The following KITLG variants were observed in gnomAD, a reference collection of about 807,000 sequenced individuals.
KITLG encodes the protein KIT ligand.
KITLG carries 13 observed loss-of-function variants against 34.1 expected under a neutral mutation model. The ratio of observed to expected loss-of-function variants is 0.38; its 90% CI spans 0.25 to 0.61. The LOEUF is 0.61. Ranked by LOEUF, KITLG falls within the 20% of genes least tolerant of loss-of-function variation. The pLI is 0.60. For synonymous variants in KITLG, 110 were observed against 104.0 expected (o/e 1.06, Z -0.35); for missense variants, 292 against 318.9 (o/e 0.92, Z 0.64).
intron 2 of KITLG, among the ~76,000 whole-genome samples, chr12:88,541,431 T>C (rs1308308219): frequency 6.6e-6 from 1 of 152,164 alleles, no homozygotes; most frequent in Non-Finnish European, 1.5e-5. Context: ...CAAAATCATA[T>C]TGAGTTAAAT....
intron 1 of KITLG, among the ~76,000 whole-genome samples, chr12:88,561,892 G>C (rs926751331): frequency 6.6e-6 from 1 of 152,182 alleles, no homozygotes; most frequent in Non-Finnish European, 1.5e-5. Context: ...TCAGGACTCA[G>C]TTCAAATATC....
rs751013211 is a variant in KITLG at position 88,516,411 on chromosome 12, A to G, written c.443T>C (p.Ile148Thr). The change falls in exon 5 of 10, where the codon ATT becomes ACT. Residue 148 changes from isoleucine to threonine, a missense_variant. By Grantham distance (89) the Ile-to-Thr change is moderately conservative (BLOSUM62 -1). Coordinates refer to ENST00000644744, the MANE Select transcript of KITLG (RefSeq NM_000899.5). The part of the protein sequence containing the change: ...EEFFRIFNRS[I>T]DAFKDFVVAS... ...CACTACAAAGTCCTTGAAGGCATCA[A>G]TGGATCTATTAAAAATTCTAAAGAA... is the stretch of plus-strand genomic sequence containing the variant. 6.2e-7 allele frequency: 1 copy of G among 1,610,084 alleles called. No individual in the cohort carries two copies. Among genetic ancestry groups the G allele is most frequent in the South Asian group, 1.1e-5 (1 of 90,902 alleles).
intron 6 of KITLG, among the ~76,000 whole-genome samples, chr12:88,509,458 T>A (rs1237167910): frequency 1.3e-5 from 2 of 152,194 alleles, no homozygotes; most frequent in Non-Finnish European, 2.9e-5. Flanking sequence ...GTGGGAGGCC[T>A]TACTAAAGAA....
chr12:88,560,541 C>T (rs930547873), intron 1 of KITLG, among the ~76,000 whole-genome samples: 6 of 152,156 alleles, frequency 3.9e-5, no homozygotes, highest in African/African-American at 1.4e-4. Flanking sequence ...TCCGCTCTTC[C>T]AAGCAGGCAG....
At chr12:88,574,824 A>G (rs1592591491) in intron 1 of KITLG, among the ~76,000 whole-genome samples, 1 of 152,182 alleles carries the variant, frequency 6.6e-6, no homozygotes, top group East Asian at 1.9e-4. Context: ...TTTTTCATAG[A>G]ACTTAAAAAT....
chr12:88,560,773 G>T (rs2120952969), intron 1 of KITLG, among the ~76,000 whole-genome samples: 1 of 152,052 alleles, frequency 6.6e-6, no homozygotes. Flanking sequence ...TTCGAGACCA[G>T]CCTGGCCAAC....
intron 2 of KITLG, among the ~76,000 whole-genome samples, chr12:88,543,462 T>C (rs952151704): frequency 2.6e-5 from 4 of 152,212 alleles, no homozygotes; most frequent in African/African-American, 7.2e-5. Context: ...TATGGCTGCA[T>C]AGTATTCCAT....
intron 1 of KITLG, among the ~76,000 whole-genome samples, chr12:88,577,489 A>T (rs1871865657): frequency 6.6e-6 from 1 of 152,198 alleles, no homozygotes. Flanking sequence ...GTGTTGCAAA[A>T]TATGGTGCCT....
chr12:88,564,995 C>T (rs1871399220), intron 1 of KITLG, among the ~76,000 whole-genome samples: 1 of 152,216 alleles, frequency 6.6e-6, no homozygotes, highest in Non-Finnish European at 1.5e-5. Context: ...CTCCAACTTT[C>T]TTCCTCCACG....
At chr12:88,510,415 A>G (rs967190642) in intron 6 of KITLG, among the ~76,000 whole-genome samples, 2 of 152,274 alleles carry the variant, frequency 1.3e-5, no homozygotes, top group African/African-American at 2.4e-5. Context: ...GTACTAACTC[A>G]CTTAAAACTC....
intron 2 of KITLG, among the ~76,000 whole-genome samples, chr12:88,542,096 A>G (rs1269932786): frequency 1.3e-5 from 2 of 152,182 alleles, no homozygotes; most frequent in Admixed American, 1.3e-4. Flanking sequence ...CCTTCAGTCG[A>G]GTTATTATTG....
At chr12:88,572,597 A>T (rs58908946) in intron 1 of KITLG, among the ~76,000 whole-genome samples, 1,634 of 137,058 alleles carry the variant, frequency 0.012, 39 homozygotes, top group African/African-American at 0.045. Context: ...ATACATTATT[A>T]TATATATATA....
chr12:88,516,401 G>C lies in KITLG; in HGVS notation c.453C>G (p.Phe151Leu), dbSNP rs560188501. The C allele has an allele frequency of 1.9e-6, 3 of 1,610,488 alleles. No homozygotes were observed. In the African/African-American group the frequency reaches 4.0e-5, roughly 22 times the overall value. Reference sequence around the variant, plus strand: ...TTTCAGATGCCACTACAAAGTCCTTGAAGGCATCAATGGATCTATTAAAAA... The same window carrying C: ...TTTCAGATGCCACTACAAAGTCCTTCAAGGCATCAATGGATCTATTAAAAA... ...FRIFNRSIDAFKDFVVASETS... is the reference protein window; with the variant it reads ...FRIFNRSIDALKDFVVASETS... Residue 151 changes from phenylalanine (F) to leucine (L), a missense_variant, in exon 5 of 10, where the codon TTC (phenylalanine) becomes TTG (leucine). Physicochemically the swap from Phe to Leu is conservative, Grantham distance 22. Coordinates refer to ENST00000644744, the MANE Select transcript of KITLG (RefSeq NM_000899.5).
At chr12:88,572,220 C>G (rs1871673755) in intron 1 of KITLG, among the ~76,000 whole-genome samples, 1 of 151,984 alleles carries the variant, frequency 6.6e-6, no homozygotes, top group Non-Finnish European at 1.5e-5. Context: ...ATTTAAAAGT[C>G]TCATTATTGA....
chr12:88,520,688 T>C (rs1048901874), intron 3 of KITLG, among the ~76,000 whole-genome samples: 1 of 152,176 alleles, frequency 6.6e-6, no homozygotes, highest in Non-Finnish European at 1.5e-5. Flanking sequence ...TGCTTTTTTT[T>C]TGTGGTTAAA....
intron 8 of KITLG, 78 bp from the exon 9 acceptor site, chr12:88,505,313 A>G (rs1347268100): frequency 8.6e-6 from 10 of 1,164,046 alleles, no homozygotes. Context: ...GGCATTGTAA[A>G]AGGCAGCTTT....
rs772546062 is a variant in KITLG, at chr12:88,506,364, A to G, written c.729T>C (p.Ser243=). 1.9e-6 allele frequency: 3 copies of G among 1,607,000 alleles called. No individual in the cohort carries two copies. Among genetic ancestry groups the G allele is most frequent in the Non-Finnish European group, 2.6e-6 (3 of 1,173,664 alleles). Residue 243 remains serine, a synonymous_variant, in exon 8 of 10, where the codon AGT becomes AGC. Transcript: ENST00000644744. ...GTATATTTTCAACTGCCCTTGTAAG[A>G]CTTGGCTGTCTCTTCTGGAAAAAGA... ...GALYWKKRQP[S]LTRAVENIQI...
rs964455744 is a variant in KITLG, at chr12:88,576,890, T to TA, written c.15+3373dup. ...TGGAAACATTTCAGTCACCTATTAT[T>TA]AAAAAAAAAATGTGACCCAGAATTT... On this transcript the variant is annotated intron_variant, in intron 1 of 9. Transcript: ENST00000644744. Among the ~76,000 whole-genome samples, 339 of 149,358 alleles carry TA rather than the reference T, an allele frequency of 2.3e-3. 2 individuals carry two copies. The highest frequency in any genetic ancestry group is 7.7e-3 in the African/African-American group (315 of 40,928).
intron 1 of KITLG, among the ~76,000 whole-genome samples, chr12:88,562,335 A>G (rs1223157508): frequency 3.9e-5 from 6 of 152,268 alleles, no homozygotes; most frequent in Admixed American, 1.3e-4. Context: ...TGGACAATGT[A>G]CAATTCAATC....
Sources: allele counts gnomAD v4.1 joint callset (sites outside exome capture counted in the v4.1 genomes callset), GRCh38; gene constraint gnomAD v4.1.1; transcripts MANE v1.5; gene names NCBI Gene and HGNC (gene_info 2026-07-23, HGNC 2026-07-21).